The following MTHFD1L variants were observed in gnomAD, a reference collection of about 807,000 sequenced individuals.
MTHFD1L encodes monofunctional C1-tetrahydrofolate synthase, mitochondrial.
Under a neutral mutation model 119.5 loss-of-function variants are expected in MTHFD1L, and 81 were observed. The ratio of observed to expected loss-of-function variants is 0.68; its 90% CI spans 0.57 to 0.82. MTHFD1L has a LOEUF of 0.82. Ranked by LOEUF, MTHFD1L falls within the 40% of genes least tolerant of loss-of-function variation. MTHFD1L has a pLI of 0.00. For synonymous variants in MTHFD1L, 430 were observed against 475.2 expected, an observed-to-expected ratio of 0.90 and a Z score of 1.24; for missense variants, 1,125 against 1,253.4, an observed-to-expected ratio of 0.90 and a Z score of 1.55.
chr6:150,905,521 C>A, intron 7 of MTHFD1L, 129 bp from the exon 8 acceptor site: 2 of 665,576 alleles, frequency 3.0e-6, no homozygotes, highest in Non-Finnish European at 2.7e-6. Context: ...TAAAGCGATT[C>A]CATCCTTGTC....
chr6:150,876,115 G>A lies in MTHFD1L; in HGVS notation c.253G>A (p.Val85Ile), dbSNP rs758500649. 3 of 1,606,826 alleles carry A rather than the reference G, an allele frequency of 1.9e-6. No individual in the cohort carries two copies. In the East Asian group the frequency reaches 6.7e-5, roughly 36 times the overall value. Residue 85 changes from valine (V) to isoleucine (I), a missense_variant, in exon 2 of 28, where the codon GTT becomes ATT. Val to Ile is a conservative substitution (Grantham distance 29). Transcript: ENST00000367321. ...AGAAGTCATTCAGAATTCAAAAGAA[G>A]TTCTAAGTTTATTGCAAGAAAAAAA... Reference protein sequence around the residue: ...VREVIQNSKEVLSLLQEKNPA... With the variant: ...VREVIQNSKEILSLLQEKNPA...
intron 20 of MTHFD1L, among the ~76,000 whole-genome samples, chr6:151,006,492 C>T (rs1181566899): frequency 6.6e-6 from 1 of 152,028 alleles, no homozygotes; most frequent in Non-Finnish European, 1.5e-5. Context: ...TATATTAAGG[C>T]ACTTTAGGGA....
chr6:150,931,671 T>C (rs1562402499), intron 11 of MTHFD1L, among the ~76,000 whole-genome samples: 1 of 152,244 alleles, frequency 6.6e-6, no homozygotes, highest in Non-Finnish European at 1.5e-5. Context: ...GTGAGGCCCA[T>C]GGCTAATGGC....
chr6:150,956,636 T>C (rs1439950465), intron 17 of MTHFD1L, among the ~76,000 whole-genome samples: 2 of 152,238 alleles, frequency 1.3e-5, no homozygotes, highest in Non-Finnish European at 2.9e-5. Context: ...TTAATTCCTA[T>C]GATTTTTCAT....
chr6:151,053,809 G>A (rs1286350252), intron 26 of MTHFD1L, among the ~76,000 whole-genome samples: 5 of 150,114 alleles, frequency 3.3e-5, no homozygotes, highest in Non-Finnish European at 4.4e-5. Flanking sequence ...GCAGTGAGCC[G>A]AGATTGTGGC....
chr6:150,945,115 C>T (rs1012066506), intron 14 of MTHFD1L, among the ~76,000 whole-genome samples: 5 of 152,206 alleles, frequency 3.3e-5, no homozygotes, highest in African/African-American at 4.8e-5. Flanking sequence ...AAAGGGGTAC[C>T]TTCTGGCACA....
chr6:150,971,678 G>A (rs1192789227), intron 19 of MTHFD1L, among the ~76,000 whole-genome samples: 1 of 152,106 alleles, frequency 6.6e-6, no homozygotes, highest in African/African-American at 2.4e-5. Flanking sequence ...TAACAAAATG[G>A]TTTAACAATA....
At chr6:151,066,360 C>T (rs1478881523) in intron 26 of MTHFD1L, among the ~76,000 whole-genome samples, 1 of 147,306 alleles carries the variant, frequency 6.8e-6, no homozygotes, top group African/African-American at 2.5e-5. Context: ...TGGTGTGAAC[C>T]CAGGAGGCAG....
chr6:151,068,974 G>C (rs1791631621), intron 26 of MTHFD1L, among the ~76,000 whole-genome samples: 1 of 152,158 alleles, frequency 6.6e-6, no homozygotes, highest in Non-Finnish European at 1.5e-5. Flanking sequence ...ACTAGTGCCA[G>C]TTTGCCCAGT....
rs1471899911 is a variant in MTHFD1L, at chr6:150,865,794, T to C, written c.-29T>C. 2.3e-6 allele frequency: 3 copies of C among 1,290,800 alleles called. No homozygotes were observed. Among genetic ancestry groups the C allele is most frequent in the Non-Finnish European group, 3.0e-6 (3 of 1,012,700 alleles). The allele number at this position is 1,290,800 out of a possible 1,614,324, so 80.0% of individuals were successfully genotyped here. On this transcript the variant is annotated 5_prime_UTR_variant, in exon 1 of 28. Coordinates refer to ENST00000367321, the MANE Select transcript of MTHFD1L (RefSeq NM_015440.5). ...GCCGCCCTCGGCAGCCGCAGCTCCG[T>C]GTCCCCTGAGAACCAGCCGTCCCGC...
chr6:151,022,099 G>T, intron 24 of MTHFD1L: 1 of 470,414 alleles, frequency 2.1e-6, no homozygotes, highest in South Asian at 1.6e-5. Context: ...GCCTGGAGCC[G>T]CAGCCAGCTC....
At chr6:150,928,448 A>G (rs1327050980) in intron 11 of MTHFD1L, among the ~76,000 whole-genome samples, 3 of 151,718 alleles carry the variant, frequency 2.0e-5, no homozygotes, top group Non-Finnish European at 4.4e-5. Context: ...AAAAAAAAAA[A>G]AAAAAAAAAT....
chr6:151,093,291 T>C (rs1345875846), intron 27 of MTHFD1L, among the ~76,000 whole-genome samples: 2 of 152,186 alleles, frequency 1.3e-5, no homozygotes, highest in Non-Finnish European at 2.9e-5. Context: ...TGTCTTCACA[T>C]GATGTTCACC....
rs1207630886 is a variant in MTHFD1L at position 150,887,891 on chromosome 6, G to C, written c.690G>C (p.Gly230=). The part of the protein sequence containing the change: ...GKKILVVGAH[G]SLEAALQCLF... ...AGATTTTGGTAGTGGGGGCCCATGG[G>C]TCTTTGGAAGCTGCTCTACAATGCC... is the stretch of plus-strand genomic sequence containing the variant. Residue 230 remains glycine, a synonymous_variant, in exon 7 of 28, where the codon GGG becomes GGC. Transcript: ENST00000367321. 6.2e-7 allele frequency: 1 copy of C among 1,609,810 alleles called. No individual in the cohort carries two copies. The highest frequency in any genetic ancestry group is 8.5e-7 in the Non-Finnish European group (1 of 1,178,352).
In MTHFD1L at chr6:151,101,517, A is replaced by G. The variant is rs934102826; in HGVS notation, c.*32-9A>G. Reference sequence around the variant, plus strand: ...CTACTCAAACATGGTTTTTTTTTCTATTTTTCAGACTCCTGAAACAGACTA... The same window carrying G: ...CTACTCAAACATGGTTTTTTTTTCTGTTTTTCAGACTCCTGAAACAGACTA... On this transcript the variant is annotated splice_polypyrimidine_tract_variant and intron_variant, in intron 27 of 27. Transcript: ENST00000367321. The G allele has an allele frequency of 4.6e-5, 7 of 152,132 alleles. No individual in the cohort carries two copies. Among genetic ancestry groups the G allele is most frequent in the African/African-American group, 1.7e-4 (7 of 41,356 alleles). 9.4% of individuals were successfully genotyped at this position (152,132 alleles called of 1,614,324 possible).
intron 26 of MTHFD1L, among the ~76,000 whole-genome samples, chr6:151,081,469 A>T (rs924361324): frequency 2.0e-5 from 3 of 148,284 alleles, no homozygotes; most frequent in Admixed American, 6.9e-5. Context: ...GCTGGCCAAC[A>T]TGGTGAAACG....
At position 150,965,004 on chromosome 6, in the gene MTHFD1L, T is replaced by C; in HGVS notation, c.1980T>C (p.Asp660=). Reference sequence around the variant, plus strand: ...GTGCTTTGACAGTTTTGATGAAAGATGCAATAAAACCAAACCTGATGCAGA... The same window carrying C: ...GTGCTTTGACAGTTTTGATGAAAGACGCAATAAAACCAAACCTGATGCAGA... ...VTGALTVLMK[D]AIKPNLMQTL... The change falls in exon 19 of 28, where the codon GAT becomes GAC. Residue 660 remains aspartate (D), a synonymous_variant. Coordinates refer to ENST00000367321, the MANE Select transcript of MTHFD1L (RefSeq NM_015440.5). 4 of 1,614,112 alleles carry C rather than the reference T, an allele frequency of 2.5e-6. No homozygotes were observed. The highest frequency in any genetic ancestry group is 3.4e-6 in the Non-Finnish European group (4 of 1,179,966).
At chr6:151,033,116 GCTTT>G (rs1427753690) in intron 24 of MTHFD1L, among the ~76,000 whole-genome samples, 2 of 151,288 alleles carry the variant, frequency 1.3e-5, no homozygotes, top group Non-Finnish European at 2.9e-5. Flanking sequence ...TCATGCATAT[GCTTT>G]CTTTTTTTTT....
intron 20 of MTHFD1L, among the ~76,000 whole-genome samples, chr6:150,977,616 A>C (rs2129032371): frequency 6.6e-6 from 1 of 152,358 alleles, no homozygotes; most frequent in East Asian, 1.9e-4. Context: ...GGATTTTAAA[A>C]ACATTATTAT....
Sources: gnomAD v4.1 joint callset for allele counts (sites outside exome capture counted in the v4.1 genomes callset) on GRCh38, gnomAD v4.1.1 for gene constraint, MANE v1.5 for transcripts, NCBI Gene and HGNC (gene_info 2026-07-23, HGNC 2026-07-21) for gene names.